The following VPS53 variants were observed in gnomAD, a reference collection of about 807,000 sequenced individuals.
VPS53 encodes the protein vacuolar protein sorting-associated protein 53 homolog.
A neutral mutation model predicts 107.0 loss-of-function variants in VPS53; 70 were observed. That is an observed-to-expected ratio of 0.65 (90% confidence interval 0.54 to 0.80). The LOEUF is 0.80. VPS53 is among the 30% of genes least tolerant of loss of function. The pLI is 0.00. For synonymous variants in VPS53, 409 were observed against 393.3 expected, an observed-to-expected ratio of 1.04 and a Z score of -0.47; for missense variants, 917 against 1,049.4, an observed-to-expected ratio of 0.87 and a Z score of 1.74.
intron 13 of VPS53, among the ~76,000 whole-genome samples, chr17:575,760 T>A (rs746168719): frequency 3.1e-4 from 46 of 149,424 alleles, no homozygotes; most frequent in Non-Finnish European, 5.3e-4. Context: ...CAGGACCTAG[T>A]GCGTCCCAGA....
At chr17:548,304 T>C (rs1911416887) in intron 17 of VPS53, among the ~76,000 whole-genome samples, 1 of 152,254 alleles carries the variant, frequency 6.6e-6, no homozygotes, top group Admixed American at 6.5e-5. Flanking sequence ...CAATCCCTCT[T>C]GTCAAGGAAG....
intron 2 of VPS53, among the ~76,000 whole-genome samples, chr17:701,106 T>C (rs1415006925): frequency 6.6e-6 from 1 of 151,962 alleles, no homozygotes; most frequent in African/African-American, 2.4e-5. Flanking sequence ...GGAGGATCAC[T>C]TAAATCCAGG....
At position 570,092 on chromosome 17, in the gene VPS53, C is replaced by T. The variant is rs776620192; in HGVS notation, c.1314-7347G>A. ...ATAAAAACGAACATCATAGGCTGGCCGTGGTAGCTCACGCCTGTAATCTCA... is the reference window on the plus strand; with the variant it reads ...ATAAAAACGAACATCATAGGCTGGCTGTGGTAGCTCACGCCTGTAATCTCA... On this transcript the variant is annotated intron_variant, in intron 13 of 21. Transcript: ENST00000437048. Among the ~76,000 whole-genome samples, 32 of 151,918 alleles carry T rather than the reference C, an allele frequency of 2.1e-4. 1 individual carries two copies. The highest frequency in any genetic ancestry group is 9.8e-4 in the Admixed American group (15 of 15,234).
At chr17:570,041 A>G (rs986418338) in intron 13 of VPS53, among the ~76,000 whole-genome samples, 2 of 151,940 alleles carry the variant, frequency 1.3e-5, no homozygotes, top group South Asian at 2.1e-4. Flanking sequence ...AGAGATACCC[A>G]GTAGAGACAA....
At chr17:642,767 C>G (rs532751995) in intron 7 of VPS53, among the ~76,000 whole-genome samples, 1 of 149,982 alleles carries the variant, frequency 6.7e-6, no homozygotes, top group South Asian at 2.1e-4. Context: ...ACTTGGAAAG[C>G]GAGGACAACA....
intron 17 of VPS53, among the ~76,000 whole-genome samples, chr17:544,519 A>C (rs942826717): frequency 3.3e-5 from 5 of 152,146 alleles, no homozygotes; most frequent in African/African-American, 1.2e-4. Context: ...CTGCATAAAG[A>C]GGCACTGTGG....
At chr17:586,397 T>C in intron 12 of VPS53, 33 bp from the exon 13 acceptor site, 1 of 1,587,418 alleles carries the variant, frequency 6.3e-7, no homozygotes, top group Non-Finnish European at 8.6e-7. Flanking sequence ...ACCCCATACT[T>C]GAGTGATCTT....
In VPS53 at chr17:671,332, CAGGAAAGAAAG is replaced by C. The variant is rs779864875; in HGVS notation, c.286-9448_286-9438del. On this transcript the variant is annotated intron_variant, in intron 4 of 21. Transcript: ENST00000437048. ...GAAAAAGAAAAAAAGAAAAGAGAGA[CAGGAAAGAAAG>C]AGGAAAGAAAGAAAGAAAAGAAAGA... Among the ~76,000 whole-genome samples the C allele has an allele frequency of 8.4e-4, 117 of 140,098 alleles. 1 individual carries two copies. The Middle Eastern group carries it at 0.018, about 22-fold the overall frequency. 91.9% of individuals were successfully genotyped at this position (140,098 alleles called of 152,430 possible).
At position 662,834 on chromosome 17, in the gene VPS53, A is replaced by AAAGGAAGGAAGGAAGGAAGGAAGG. The variant is rs796580340; in HGVS notation, c.286-963_286-940dup. Among the ~76,000 whole-genome samples, 65 of 121,152 alleles carry AAAGGAAGGAAGGAAGGAAGGAAGG rather than the reference A, an allele frequency of 5.4e-4. 2 individuals carry two copies. The highest frequency in any genetic ancestry group is 3.4e-3 in the East Asian group (13 of 3,880). 79.5% of individuals were successfully genotyped at this position (121,152 alleles called of 152,430 possible). A position where few individuals can be genotyped will look rare whatever the true frequency, so the allele number is the denominator to read the frequency against. ...AAAAGAAAGAAAGAGAAAGAGAAAG[A>AAAGGAAGGAAGGAAGGAAGGAAGG]AAGGAAGGAAGGAAGGAAGGAAGGA... On this transcript the variant is annotated intron_variant, in intron 4 of 21. Coordinates refer to ENST00000437048, the MANE Select transcript of VPS53 (RefSeq NM_001128159.3).
At chr17:705,399 G>A (rs1205714424) in intron 2 of VPS53, among the ~76,000 whole-genome samples, 1 of 150,930 alleles carries the variant, frequency 6.6e-6, no homozygotes, top group African/African-American at 2.4e-5. Flanking sequence ...GACCAGCCTG[G>A]GCAACACAGC....
intron 2 of VPS53, among the ~76,000 whole-genome samples, chr17:708,364 C>T (rs1031059965): frequency 2.6e-5 from 4 of 152,198 alleles, no homozygotes; most frequent in Non-Finnish European, 5.9e-5. Context: ...GGGAGGACAG[C>T]AGACGTCAGC....
intron 3 of VPS53, among the ~76,000 whole-genome samples, chr17:698,997 G>A (rs572814595): frequency 4.0e-5 from 6 of 151,872 alleles, no homozygotes; most frequent in South Asian, 4.2e-4. Context: ...GTGAAACCCC[G>A]TCTCTACTAA....
chr17:574,309 C>T (rs1160742887), intron 13 of VPS53, among the ~76,000 whole-genome samples: 2 of 152,150 alleles, frequency 1.3e-5, no homozygotes, highest in African/African-American at 4.8e-5. Context: ...GGAAGGGAGG[C>T]CTGGCTCCTT....
Position 515,956 on chromosome 17 carries a change from CTT to C in VPS53, c.*3170_*3171del, listed in dbSNP as rs11361535. The stretch of plus-strand genomic sequence containing the variant: ...ATTACAGGCACCCGCCACCTGCCTG[CTT>C]TTTTTTTTTTTTTTTTTGTATTTTT... On this transcript the variant is annotated 3_prime_UTR_variant, in exon 22 of 22. Transcript: ENST00000437048. 4.6e-4 allele frequency: 50 copies of C among 109,568 alleles called. No individual in the cohort carries two copies. Among genetic ancestry groups the C allele is most frequent in the East Asian group, 3.6e-3 (12 of 3,308 alleles). 6.8% of individuals were successfully genotyped at this position (109,568 alleles called of 1,614,324 possible).
Position 690,413 on chromosome 17 carries a change from T to A in VPS53, c.285+7005A>T, listed in dbSNP as rs145277547. Among the ~76,000 whole-genome samples the A allele has an allele frequency of 2.5e-3, 382 of 152,350 alleles. 3 individuals are homozygous for A. The highest frequency in any genetic ancestry group is 8.7e-3 in the African/African-American group (360 of 41,586). On this transcript the variant is annotated intron_variant, in intron 4 of 21. Coordinates refer to ENST00000437048, the MANE Select transcript of VPS53 (RefSeq NM_001128159.3). ...ACACTAAGCCAATAGTTAAAAATTG[T>A]GAGAGTTACATGAAAATCCGGATTT...
At position 525,703 on chromosome 17, in the gene VPS53, G is replaced by GA. The variant is rs1223529433; in HGVS notation, c.2086-3966dup. Reference sequence around the variant, plus strand: ...AGTGGGACCCTGTCTCTTAAGAAAAGAAAAAAAAAATGGGCCAGGCGCGGT... The same window carrying GA: ...AGTGGGACCCTGTCTCTTAAGAAAAGAAAAAAAAAAATGGGCCAGGCGCGGT... On this transcript the variant is annotated intron_variant, in intron 19 of 21. Coordinates refer to ENST00000437048, the MANE Select transcript of VPS53 (RefSeq NM_001128159.3). 5.7e-4 allele frequency among the ~76,000 whole-genome samples: 82 copies of GA among 142,842 alleles called. 1 individual carries two copies. Among genetic ancestry groups the GA allele is most frequent in the Admixed American group, 8.4e-4 (12 of 14,334 alleles). The allele number at this position is 142,842 out of a possible 152,430, so 93.7% of individuals were successfully genotyped here.
intron 5 of VPS53, 30 bp downstream of exon 5, chr17:661,779 C>G: frequency 1.3e-6 from 2 of 1,543,874 alleles, no homozygotes; most frequent in Non-Finnish European, 1.8e-6. Flanking sequence ...TCTTTTGGTG[C>G]AAAAAGGTTA....
rs1260664277 is a variant in VPS53 at position 672,988 on chromosome 17, T to A, written c.286-11093A>T. On this transcript the variant is annotated intron_variant, in intron 4 of 21. Transcript: ENST00000437048. ...TTAACCGGGCGTGGTGGCGGGCGCC[T>A]GTAGTCCCAGCTACTCGGGAGACTT... 4.0e-5 allele frequency among the ~76,000 whole-genome samples: 6 copies of A among 151,794 alleles called. No individual in the cohort carries two copies. The East Asian group carries it at 1.2e-3, about 29-fold the overall frequency.
At chr17:654,699 T>A (rs1173400940) in intron 6 of VPS53, among the ~76,000 whole-genome samples, 1 of 138,036 alleles carries the variant, frequency 7.2e-6, no homozygotes, top group African/African-American at 2.8e-5. Context: ...ATCGCGCCAC[T>A]GCACTCCAGC....
Sources: gnomAD v4.1 joint callset for allele counts (sites outside exome capture counted in the v4.1 genomes callset) on GRCh38, gnomAD v4.1.1 for gene constraint, MANE v1.5 for transcripts, NCBI Gene and HGNC (gene_info 2026-07-23, HGNC 2026-07-21) for gene names.